BMPR1B: variants seen among roughly 807,000 people sequenced by gnomAD.
BMPR1B encodes bone morphogenetic protein receptor type-1B.
A neutral mutation model predicts 59.1 loss-of-function variants in BMPR1B; 12 were observed. The observed-to-expected ratio is 0.20, with a 90% CI of 0.13 to 0.33. The LOEUF (loss-of-function observed/expected upper bound fraction) is 0.33. Ranked by LOEUF, BMPR1B falls within the 10% of genes least tolerant of loss-of-function variation. The pLI, the probability that BMPR1B is intolerant of heterozygous loss-of-function variation, is 1.00. For synonymous variants in BMPR1B, 237 were observed against 207.3 expected, an observed-to-expected ratio of 1.14 and a Z score of -1.23; for missense variants, 550 against 610.9, an observed-to-expected ratio of 0.90 and a Z score of 1.05.
intron 2 of BMPR1B, among the ~76,000 whole-genome samples, chr4:94,958,868 G>A (rs1035753441): frequency 6.6e-6 from 1 of 152,046 alleles, no homozygotes. Flanking sequence ...GAGTACATTA[G>A]GGCTTTAACT....
intron 2 of BMPR1B, among the ~76,000 whole-genome samples, chr4:94,924,490 A>G (rs1560549675): frequency 6.6e-6 from 1 of 152,214 alleles, no homozygotes; most frequent in East Asian, 1.9e-4. Context: ...ACTGCTCTCA[A>G]AACAAGGACT....
chr4:95,008,726 G>A (rs920259186), intron 3 of BMPR1B, among the ~76,000 whole-genome samples: 2 of 151,908 alleles, frequency 1.3e-5, no homozygotes, highest in African/African-American at 4.8e-5. Flanking sequence ...GAATAAGAAA[G>A]ACCCAAAATT....
intron 1 of BMPR1B, among the ~76,000 whole-genome samples, chr4:94,771,836 A>T (rs776050798): frequency 6.6e-6 from 1 of 152,196 alleles, no homozygotes; most frequent in Non-Finnish European, 1.5e-5. Flanking sequence ...GGGATGCAAG[A>T]TGAAGAAAAA....
intron 2 of BMPR1B, among the ~76,000 whole-genome samples, chr4:94,993,917 G>A (rs1161210007): frequency 6.6e-6 from 1 of 152,076 alleles, no homozygotes; most frequent in East Asian, 1.9e-4. Flanking sequence ...GTATCTCTGT[G>A]TGTTACTTAA....
chr4:95,075,883 AG>A (rs998140462), intron 3 of BMPR1B, among the ~76,000 whole-genome samples: 9 of 152,062 alleles, frequency 5.9e-5, no homozygotes, highest in African/African-American at 2.2e-4. Context: ...CACTCTCACA[AG>A]CCTGATGTCC....
At chr4:95,121,960 T>A (rs931885308) in intron 6 of BMPR1B, among the ~76,000 whole-genome samples, 1 of 152,218 alleles carries the variant, frequency 6.6e-6, no homozygotes, top group Non-Finnish European at 1.5e-5. Flanking sequence ...AGAAGCCTTA[T>A]GGCAGAATCT....
intron 1 of BMPR1B, among the ~76,000 whole-genome samples, chr4:94,826,358 G>A (rs77437404): frequency 0.12 from 17,680 of 146,318 alleles, 1,084 homozygotes; most frequent in South Asian, 0.14. Context: ...TGCAGCACTG[G>A]GGTCTTCTTT....
At chr4:95,144,105 T>C (rs900723888) in intron 10 of BMPR1B, among the ~76,000 whole-genome samples, 32 of 151,978 alleles carry the variant, frequency 2.1e-4, no homozygotes, top group African/African-American at 7.7e-4. Context: ...ACCCCCAGGC[T>C]CTCATTAATT....
At chr4:94,765,410 A>G (rs1447193018) in intron 1 of BMPR1B, among the ~76,000 whole-genome samples, 1 of 152,172 alleles carries the variant, frequency 6.6e-6, no homozygotes, top group African/African-American at 2.4e-5. Flanking sequence ...CTGATAGTTA[A>G]AGATCACAGA....
At chr4:95,045,851 A>C (rs1055398399) in intron 3 of BMPR1B, among the ~76,000 whole-genome samples, 2 of 152,150 alleles carry the variant, frequency 1.3e-5, no homozygotes, top group African/African-American at 4.8e-5. Context: ...GATCCCCCCA[A>C]ATATAGCAAA....
chr4:94,884,747 A>G (rs1293965164), intron 2 of BMPR1B, among the ~76,000 whole-genome samples: 4 of 152,198 alleles, frequency 2.6e-5, no homozygotes, highest in African/African-American at 9.6e-5. Flanking sequence ...CAATGCCCCC[A>G]AACTTCCCTT....
intron 3 of BMPR1B, among the ~76,000 whole-genome samples, chr4:95,030,159 G>C (rs1290907612): frequency 1.3e-5 from 2 of 151,886 alleles, no homozygotes; most frequent in Admixed American, 1.3e-4. Flanking sequence ...TGTTGCCATT[G>C]CTTTTGGTGT....
At chr4:95,116,699 C>T (rs1368920486) in intron 6 of BMPR1B, among the ~76,000 whole-genome samples, 1 of 151,640 alleles carries the variant, frequency 6.6e-6, no homozygotes, top group African/African-American at 2.4e-5. Flanking sequence ...ATTGCAACCT[C>T]CACCTCCTGG....
At chr4:94,836,174 G>A (rs967914553) in intron 1 of BMPR1B, among the ~76,000 whole-genome samples, 3 of 149,730 alleles carry the variant, frequency 2.0e-5, no homozygotes, top group African/African-American at 7.4e-5. Flanking sequence ...GGACATTTGG[G>A]TTGGTTCCAA....
intron 1 of BMPR1B, among the ~76,000 whole-genome samples, chr4:94,774,488 A>G (rs888699627): frequency 2.0e-5 from 3 of 151,678 alleles, no homozygotes; most frequent in South Asian, 2.1e-4. Context: ...CTTTATGTGG[A>G]CTCTTTTCTT....
At chr4:94,811,224 C>G (rs1723800333) in intron 1 of BMPR1B, among the ~76,000 whole-genome samples, 1 of 152,136 alleles carries the variant, frequency 6.6e-6, no homozygotes, top group South Asian at 2.1e-4. Flanking sequence ...AGCTGGCTGG[C>G]TGATTAGCAA....
In BMPR1B at chr4:95,129,951, C is replaced by T; in HGVS notation, c.675C>T (p.Gly225=). 6.2e-6 allele frequency: 10 copies of T among 1,613,768 alleles called. No homozygotes were observed. The highest frequency in any genetic ancestry group is 8.5e-6 in the Non-Finnish European group (10 of 1,179,882). Residue 225 remains glycine, a synonymous_variant, in exon 9 of 13, where the codon GGC becomes GGT. Coordinates refer to ENST00000515059, the MANE Select transcript of BMPR1B (RefSeq NM_001203.3). ...AAGTTTGGATGGGAAAGTGGCGTGG[C>T]GAAAAGGTAGCTGTGAAAGTGTTCT... ...YGEVWMGKWR[G]EKVAVKVFFT...
rs185019701 is a variant in BMPR1B, at chr4:95,092,663, A to G, written c.-17-11745A>G. Among the ~76,000 whole-genome samples the G allele has an allele frequency of 1.9e-3, 284 of 152,180 alleles. 3 individuals carry two copies. The South Asian group carries it at 0.021, about 11-fold the overall frequency. On this transcript the variant is annotated intron_variant, in intron 3 of 12. Transcript: ENST00000515059. The stretch of plus-strand genomic sequence containing the variant: ...TAAGGTTACCTTTAACAGTTTTCCT[A>G]TTAGAGGGTATGGTAAGGATTAGGA...
intron 2 of BMPR1B, among the ~76,000 whole-genome samples, chr4:94,933,912 A>C (rs1427306302): frequency 6.6e-6 from 1 of 152,130 alleles, no homozygotes; most frequent in East Asian, 1.9e-4. Context: ...GAGAAAAGAA[A>C]ATGCCTACAC....
Sources: allele counts gnomAD v4.1 joint callset (sites outside exome capture counted in the v4.1 genomes callset), GRCh38; gene constraint gnomAD v4.1.1; transcripts MANE v1.5; gene names NCBI Gene and HGNC (gene_info 2026-07-23, HGNC 2026-07-21).